SUGCT: variants seen among roughly 807,000 people sequenced by gnomAD.
The protein encoded by SUGCT is succinyl-CoA:glutarate-CoA transferase.
Under a neutral mutation model 55.0 loss-of-function variants are expected in SUGCT, and 41 were observed. That is an observed-to-expected ratio of 0.74 (90% confidence interval 0.58 to 0.97). The LOEUF (loss-of-function observed/expected upper bound fraction) is 0.97. Ranked by LOEUF, SUGCT falls within the 50% of genes least tolerant of loss-of-function variation. The pLI, the probability that SUGCT is intolerant of heterozygous loss-of-function variation, is 0.00. For synonymous variants in SUGCT, 187 were observed against 200.4 expected (o/e 0.93, Z 0.56); for missense variants, 568 against 547.8 (o/e 1.04, Z -0.37).
intron 12 of SUGCT, among the ~76,000 whole-genome samples, chr7:40,707,921 T>G (rs1166462999): frequency 1.3e-5 from 2 of 152,232 alleles, no homozygotes; most frequent in Non-Finnish European, 2.9e-5. Flanking sequence ...ACAATAAAAT[T>G]TTAGCAATGA....
At chr7:40,955,670 G>C in the SUGCT span, among the ~76,000 whole-genome samples, 1 of 152,088 alleles carries the variant, frequency 6.6e-6, no homozygotes, top group African/African-American at 2.4e-5. Context: ...CAAATACTAT[G>C]TTGAATAGGA....
intron 12 of SUGCT, among the ~76,000 whole-genome samples, chr7:40,626,341 C>G (rs1799526246): frequency 6.6e-6 from 1 of 151,844 alleles, no homozygotes; most frequent in Non-Finnish European, 1.5e-5. Context: ...ACTACAACCT[C>G]CGCCTCCCAG....
chr7:40,608,344 A>T (rs1049626936), intron 12 of SUGCT, among the ~76,000 whole-genome samples: 5 of 152,290 alleles, frequency 3.3e-5, no homozygotes, highest in Admixed American at 2.0e-4. Context: ...TTGTGTTTTT[A>T]ATGGAATAGG....
At chr7:40,810,597 T>G (rs12540807) in intron 13 of SUGCT, among the ~76,000 whole-genome samples, 2,285 of 152,286 alleles carry the variant, frequency 0.015, 145 homozygotes, top group East Asian at 0.097. Flanking sequence ...TTTTGCCCAT[T>G]TTTTAATGGG....
At chr7:40,977,473 A>G in the SUGCT span, among the ~76,000 whole-genome samples, 2 of 152,212 alleles carry the variant, frequency 1.3e-5, no homozygotes, top group Non-Finnish European at 2.9e-5. Context: ...TGTATGTGCT[A>G]TCTCATTTTA....
chr7:40,696,848 G>A (rs570345523), intron 12 of SUGCT, among the ~76,000 whole-genome samples: 1 of 152,228 alleles, frequency 6.6e-6, no homozygotes, highest in Admixed American at 6.5e-5. Flanking sequence ...AGGAGAGTAA[G>A]CAGCCTAGGG....
intron 12 of SUGCT, among the ~76,000 whole-genome samples, chr7:40,591,569 T>C (rs1320050522): frequency 1.3e-5 from 2 of 152,212 alleles, no homozygotes; most frequent in African/African-American, 4.8e-5. Context: ...CTACTGTGGG[T>C]AAAATGCTAT....
rs188824860 is a variant in SUGCT, at chr7:40,135,478, C to A, written c.100+358C>A. ...GCCACATTTCAGAAAGGACTTTAGC[C>A]CGCTGCTTTGAATAACTTGACACTT... On this transcript the variant is annotated intron_variant, in intron 1 of 13. Coordinates refer to ENST00000335693, the MANE Select transcript of SUGCT (RefSeq NM_001193313.2). Among the ~76,000 whole-genome samples the A allele has an allele frequency of 5.7e-3, 862 of 152,348 alleles. 9 individuals are homozygous for A. The highest frequency in any genetic ancestry group is 5.8e-3 in the Non-Finnish European group (398 of 68,040).
chr7:40,339,159 T>A (rs942556143), intron 9 of SUGCT, among the ~76,000 whole-genome samples: 25 of 152,242 alleles, frequency 1.6e-4, no homozygotes, highest in African/African-American at 5.1e-4. Context: ...CTGCCCCTAC[T>A]GGGGGGTACC....
chr7:40,461,861 A>C (rs972620913), intron 11 of SUGCT, among the ~76,000 whole-genome samples: 1 of 152,172 alleles, frequency 6.6e-6, no homozygotes, highest in Non-Finnish European at 1.5e-5. Context: ...TTGATATGAA[A>C]ATTCTGACAT....
chr7:40,690,741 T>A (rs943533814), intron 12 of SUGCT, among the ~76,000 whole-genome samples: 7 of 152,096 alleles, frequency 4.6e-5, no homozygotes, highest in Non-Finnish European at 5.9e-5. Flanking sequence ...ACTGCCTGAC[T>A]AATTTTTGTA....
At chr7:40,867,517 T>C in the SUGCT span, among the ~76,000 whole-genome samples, 1 of 152,174 alleles carries the variant, frequency 6.6e-6, no homozygotes, top group African/African-American at 2.4e-5. Context: ...TCTAGAATTA[T>C]ATGTATAACT....
chr7:40,677,031 T>G (rs1022515566), intron 12 of SUGCT, among the ~76,000 whole-genome samples: 2 of 152,086 alleles, frequency 1.3e-5, no homozygotes, highest in African/African-American at 4.8e-5. Context: ...CCGAAACGTA[T>G]GTATGGAAAA....
intron 13 of SUGCT, among the ~76,000 whole-genome samples, chr7:40,770,216 T>C (rs1479099520): frequency 6.6e-6 from 1 of 152,176 alleles, no homozygotes; most frequent in Non-Finnish European, 1.5e-5. Flanking sequence ...ATGTTTTGCC[T>C]AGATAACTTC....
chr7:40,759,002 A>G (rs1788401156), intron 13 of SUGCT, among the ~76,000 whole-genome samples: 1 of 152,216 alleles, frequency 6.6e-6, no homozygotes, highest in African/African-American at 2.4e-5. Flanking sequence ...TAAAAATGAA[A>G]AAAATTAATA....
intron 9 of SUGCT, among the ~76,000 whole-genome samples, chr7:40,353,510 A>G (rs1428932219): frequency 6.6e-6 from 1 of 152,182 alleles, no homozygotes; most frequent in African/African-American, 2.4e-5. Flanking sequence ...GGGTTTAAAT[A>G]TTTATTCTCA....
chr7:40,249,344 T>TATATATATATATATATATATATATAA (rs1172651937), intron 7 of SUGCT, among the ~76,000 whole-genome samples: 2 of 128,150 alleles, frequency 1.6e-5, no homozygotes, highest in African/African-American at 6.6e-5. Context: ...TATATATATA[T>TATATATATATATATATATATATATAA]ATAATTATAT....
chr7:40,431,451 A>AT (rs981895546), intron 9 of SUGCT, among the ~76,000 whole-genome samples: 5 of 151,452 alleles, frequency 3.3e-5, no homozygotes, highest in African/African-American at 4.9e-5. Context: ...GAATTTTAGT[A>AT]TTTTTTTTCT....
At chr7:40,175,647 A>G (rs187323327) in intron 1 of SUGCT, among the ~76,000 whole-genome samples, 3 of 152,100 alleles carry the variant, frequency 2.0e-5, no homozygotes, top group East Asian at 3.9e-4. Flanking sequence ...TATTTTCTCC[A>G]TAAGGCACAT....
Sources: allele counts gnomAD v4.1 joint callset (sites outside exome capture counted in the v4.1 genomes callset), GRCh38; gene constraint gnomAD v4.1.1; transcripts MANE v1.5; gene names NCBI Gene and HGNC (gene_info 2026-07-23, HGNC 2026-07-21).